The following GRID1 variants were observed in gnomAD, a reference collection of about 807,000 sequenced individuals.
GRID1 encodes glutamate ionotropic receptor delta type subunit 1.
In GRID1, 28 loss-of-function variants were observed where a neutral mutation model predicts 98.0. The ratio of observed to expected loss-of-function variants is 0.29; its 90% CI spans 0.21 to 0.39. The LOEUF (loss-of-function observed/expected upper bound fraction) is 0.39, where lower values mean the gene tolerates loss of function less well. Among genes scored for constraint, GRID1 ranks in the 10% least tolerant of loss-of-function variants. The probability of loss-of-function intolerance (pLI) is 1.00; values close to 1 mark genes in which losing one functional copy is unlikely to be tolerated. For synonymous variants in GRID1, 553 were observed against 538.5 expected, an observed-to-expected ratio of 1.03 and a Z score of -0.37; for missense variants, 1,111 against 1,340.5, an observed-to-expected ratio of 0.83 and a Z score of 2.67.
intron 4 of GRID1, among the ~76,000 whole-genome samples, chr10:86,026,169 C>T (rs1264705254): frequency 1.3e-5 from 2 of 152,202 alleles, no homozygotes; most frequent in African/African-American, 2.4e-5. Flanking sequence ...ATATACGTTT[C>T]ACACTATTTG....
chr10:85,916,122 T>G lies in GRID1; in HGVS notation c.780+64A>C. 9.8e-6 allele frequency: 12 copies of G among 1,220,108 alleles called. No homozygotes were observed. Among genetic ancestry groups the G allele is most frequent in the Non-Finnish European group, 1.3e-5 (11 of 824,748 alleles). 75.6% of individuals were successfully genotyped at this position (1,220,108 alleles called of 1,614,324 possible). On this transcript the variant is annotated intron_variant, in intron 5 of 15. Coordinates refer to ENST00000327946, the MANE Select transcript of GRID1 (RefSeq NM_017551.3). The surrounding 1 kb of genome is among the most constrained non-coding windows in gnomAD (Gnocchi z 4.0). ...AGAATTGAACTGAAAAGAATCACAC[T>G]GAGCTTTACAAGGGGCTAGGGGCTC...
chr10:86,067,999 G>A (rs572722591), intron 4 of GRID1, among the ~76,000 whole-genome samples: 1 of 152,204 alleles, frequency 6.6e-6, no homozygotes, highest in Non-Finnish European at 1.5e-5. Context: ...ACTTAAGCAG[G>A]GAGAAAAGGA....
Position 85,734,464 on chromosome 10 carries a change from G to C in GRID1, c.1234-4850C>G, listed in dbSNP as rs74917574. On this transcript the variant is annotated intron_variant, in intron 8 of 15. Coordinates refer to ENST00000327946, the MANE Select transcript of GRID1 (RefSeq NM_017551.3). ...ATCATGCTTCTCTCTTTATCTAAAA[G>C]TGGTTAGGAATTAAAAGTATTTTTG... Among the ~76,000 whole-genome samples, 181 of 152,252 alleles carry C rather than the reference G, an allele frequency of 1.2e-3. 1 individual carries two copies. Among genetic ancestry groups the C allele is most frequent in the African/African-American group, 4.3e-3 (179 of 41,552 alleles).
chr10:85,651,118 T>C (rs551379655), intron 12 of GRID1, among the ~76,000 whole-genome samples: 21 of 152,326 alleles, frequency 1.4e-4, no homozygotes, highest in Admixed American at 7.2e-4. Context: ...TCCAGAACCA[T>C]GGACTGGGGC....
At chr10:86,111,246 T>C (rs1407762159) in intron 4 of GRID1, among the ~76,000 whole-genome samples, 1 of 152,210 alleles carries the variant, frequency 6.6e-6, no homozygotes, top group East Asian at 1.9e-4. Flanking sequence ...TCTGCCTACA[T>C]GCCCTTGGCC....
chr10:86,236,265 T>C (rs1846535290), intron 2 of GRID1, among the ~76,000 whole-genome samples: 3 of 152,244 alleles, frequency 2.0e-5, no homozygotes, highest in African/African-American at 7.2e-5. Flanking sequence ...GGAAGACTCA[T>C]TTATATGTTC....
At chr10:85,877,158 T>C (rs1405534427) in intron 5 of GRID1, among the ~76,000 whole-genome samples, 1 of 152,238 alleles carries the variant, frequency 6.6e-6, no homozygotes, top group Non-Finnish European at 1.5e-5. Flanking sequence ...CCTGCCTCTG[T>C]AGGCTCCACC....
At chr10:85,942,596 G>A (rs904248349) in intron 4 of GRID1, among the ~76,000 whole-genome samples, 2 of 152,166 alleles carry the variant, frequency 1.3e-5, no homozygotes, top group South Asian at 2.1e-4. Context: ...AGTGAGCCTC[G>A]GTGTTCGTGT....
rs181741195 is a variant in GRID1 at position 86,343,032 on chromosome 10, C to T, written c.235+20909G>A. Among the ~76,000 whole-genome samples the T allele has an allele frequency of 2.0e-5, 3 of 152,318 alleles. No homozygotes were observed. The East Asian group carries it at 5.8e-4, about 29-fold the overall frequency. On this transcript the variant is annotated intron_variant, in intron 2 of 15. Coordinates refer to ENST00000327946, the MANE Select transcript of GRID1 (RefSeq NM_017551.3). ...TCCCCACTGAAGGATCAACAGAGGA[C>T]TTTATGCAGCAGCCTTTCAGCCACA... is the stretch of plus-strand genomic sequence containing the variant.
chr10:86,301,924 C>T (rs1847693663), intron 2 of GRID1, among the ~76,000 whole-genome samples: 1 of 152,222 alleles, frequency 6.6e-6, no homozygotes. Context: ...GAAAGACCCT[C>T]TTAAGTCATC....
At chr10:85,903,953 C>T (rs961981722) in intron 5 of GRID1, among the ~76,000 whole-genome samples, 3 of 152,158 alleles carry the variant, frequency 2.0e-5, no homozygotes, top group African/African-American at 4.8e-5. Flanking sequence ...CATTCCTTCT[C>T]CCAACAGATT....
At chr10:86,084,297 T>C (rs79033571) in intron 4 of GRID1, among the ~76,000 whole-genome samples, 6,158 of 150,046 alleles carry the variant, frequency 0.041, 188 homozygotes, top group Middle Eastern at 0.11. Context: ...CTCATTAGGA[T>C]GGCTACTATC....
intron 13 of GRID1, among the ~76,000 whole-genome samples, chr10:85,621,765 A>G (rs558969332): frequency 6.6e-6 from 1 of 152,302 alleles, no homozygotes; most frequent in African/African-American, 2.4e-5. Flanking sequence ...CCTTCCTTGT[A>G]GGAAGATAAC....
intron 2 of GRID1, among the ~76,000 whole-genome samples, chr10:86,225,815 G>A (rs188275165): frequency 6.6e-6 from 1 of 152,292 alleles, no homozygotes; most frequent in African/African-American, 2.4e-5. Flanking sequence ...CTGCTGGAGA[G>A]CACTCATTGT....
intron 12 of GRID1, among the ~76,000 whole-genome samples, chr10:85,699,353 C>T (rs1294661248): frequency 6.6e-6 from 1 of 152,154 alleles, no homozygotes; most frequent in Admixed American, 6.5e-5. Context: ...TGTGCCCAGC[C>T]TAATTGTTGA....
intron 12 of GRID1, among the ~76,000 whole-genome samples, chr10:85,689,624 G>A (rs752781205): frequency 1.3e-5 from 2 of 152,038 alleles, no homozygotes; most frequent in Non-Finnish European, 2.9e-5. Context: ...AGATAGCATG[G>A]CAATTGAAAG....
rs183714316 is a variant in GRID1, at chr10:85,649,070, C to T, written c.1998-1673G>A. ...GATTAAATGGGATTTGTGTTCAGCTCTCAGAGCAGTTCCTGATGGTAACCA... is the reference window on the plus strand; with the variant it reads ...GATTAAATGGGATTTGTGTTCAGCTTTCAGAGCAGTTCCTGATGGTAACCA... On this transcript the variant is annotated intron_variant, in intron 12 of 15. Transcript: ENST00000327946. Among the ~76,000 whole-genome samples the T allele has an allele frequency of 2.2e-3, 341 of 152,342 alleles. 1 individual carries two copies. Among genetic ancestry groups the T allele is most frequent in the Non-Finnish European group, 3.9e-3 (264 of 68,030 alleles).
chr10:85,974,253 G>T (rs1286301474), intron 4 of GRID1, among the ~76,000 whole-genome samples: 1 of 151,760 alleles, frequency 6.6e-6, no homozygotes, highest in Non-Finnish European at 1.5e-5. Flanking sequence ...CCGAGGGAAA[G>T]TCACACAAAG....
At chr10:86,311,772 G>A (rs1847836057) in intron 2 of GRID1, among the ~76,000 whole-genome samples, 1 of 152,232 alleles carries the variant, frequency 6.6e-6, no homozygotes, top group Admixed American at 6.5e-5. Context: ...GACGTGGGAG[G>A]ACCACTTGAG....
Sources: gnomAD v4.1 joint callset for allele counts (sites outside exome capture counted in the v4.1 genomes callset) on GRCh38, gnomAD v4.1.1 for gene constraint, Gnocchi (gnomAD v3.1) non-coding constraint, MANE v1.5 for transcripts, NCBI Gene and HGNC (gene_info 2026-07-23, HGNC 2026-07-21) for gene names.